The following TEKT5 variants were observed in gnomAD, a reference collection of about 807,000 sequenced individuals.
The protein encoded by TEKT5 is tektin 5, also known as tektin-5.
A neutral mutation model predicts 48.7 loss-of-function variants in TEKT5; 52 were observed. The observed-to-expected ratio is 1.07, with a 90% CI of 0.86 to 1.35. The LOEUF (loss-of-function observed/expected upper bound fraction) is 1.35, where lower values mean the gene tolerates loss of function less well. TEKT5 is among the 40% of genes most tolerant of loss of function. The pLI, the probability that TEKT5 is intolerant of heterozygous loss-of-function variation, is 0.00. For missense variants in TEKT5, 831 were observed against 641.6 expected (o/e 1.30, Z -3.19); for synonymous variants, 318 against 267.6 (o/e 1.19, Z -1.84).
chr16:10,647,695 A>G (rs1295092553), intron 5 of TEKT5, among the ~76,000 whole-genome samples: 2 of 152,168 alleles, frequency 1.3e-5, no homozygotes, highest in Non-Finnish European at 2.9e-5. Context: ...TCAGCCTGTG[A>G]TGGGGACCTG....
chr16:10,627,773 T>A lies in TEKT5; in HGVS notation c.1268A>T (p.Asp423Val). The A allele has an allele frequency of 6.2e-7, 1 of 1,614,184 alleles. No homozygotes were observed. Among genetic ancestry groups the A allele is most frequent in the Non-Finnish European group, 8.5e-7 (1 of 1,180,040 alleles). ...CAGCTTGAGGGTCTGCAGGGTGTCGTCGATGGTGAACACCTCGTTCACCAG... is the reference window on the plus strand; with the variant it reads ...CAGCTTGAGGGTCTGCAGGGTGTCGACGATGGTGAACACCTCGTTCACCAG... The part of the protein sequence containing the change: ...LKLVNEVFTI[D>V]DTLQTLKLRL... Residue 423 changes from aspartate to valine, a missense_variant, in exon 7 of 7, where the codon GAC becomes GTC. Coordinates refer to ENST00000283025, the MANE Select transcript of TEKT5 (RefSeq NM_144674.2).
chr16:10,666,712 G>C (rs1037404503), intron 5 of TEKT5, among the ~76,000 whole-genome samples: 4 of 152,178 alleles, frequency 2.6e-5, no homozygotes, highest in African/African-American at 9.6e-5. Flanking sequence ...ATGAAGCCAG[G>C]GATGGGGTGT....
At chr16:10,643,106 C>T (rs1313372417) in intron 5 of TEKT5, among the ~76,000 whole-genome samples, 1 of 152,118 alleles carries the variant, frequency 6.6e-6, no homozygotes, top group Non-Finnish European at 1.5e-5. Context: ...AAAGGCTGGG[C>T]ATGGTGGCTC....
At chr16:10,684,303 G>A (rs1327600017) in intron 3 of TEKT5, among the ~76,000 whole-genome samples, 1 of 151,338 alleles carries the variant, frequency 6.6e-6, no homozygotes. Flanking sequence ...TTGTGTCTAT[G>A]TCTCTGTCTC....
In TEKT5 at chr16:10,640,108, C is replaced by T. The variant is rs1173726485; in HGVS notation, c.1087-4190G>A. On this transcript the variant is annotated intron_variant, in intron 5 of 6. Transcript: ENST00000283025. ...CTTCCTTCCTTCCCTCTCCCCTCCT[C>T]CCGTCTTCCTCCTCCCCCCTTCCTC... is the stretch of plus-strand genomic sequence containing the variant. 8.8e-3 allele frequency among the ~76,000 whole-genome samples: 1,288 copies of T among 146,364 alleles called. 39 individuals carry two copies. The highest frequency in any genetic ancestry group is 0.033 in the African/African-American group (1,217 of 37,102).
At chr16:10,680,024 C>T (rs1898718749) in intron 4 of TEKT5, among the ~76,000 whole-genome samples, 1 of 152,218 alleles carries the variant, frequency 6.6e-6, no homozygotes. Context: ...AGATGGGGGA[C>T]TTTAAGGAGC....
intron 5 of TEKT5, among the ~76,000 whole-genome samples, chr16:10,659,271 T>G (rs550058702): frequency 2.6e-5 from 4 of 152,256 alleles, no homozygotes; most frequent in Non-Finnish European, 5.9e-5. Context: ...AAATATCACA[T>G]GTACCTGACG....
chr16:10,645,276 G>A (rs1352818798), intron 5 of TEKT5, among the ~76,000 whole-genome samples: 1 of 152,188 alleles, frequency 6.6e-6, no homozygotes, highest in African/African-American at 2.4e-5. Flanking sequence ...TTGAGAGGCT[G>A]AGGTGGGAGG....
chr16:10,638,179 C>T (rs79247546), intron 5 of TEKT5, among the ~76,000 whole-genome samples: 4,131 of 152,234 alleles, frequency 0.027, 144 homozygotes, highest in African/African-American at 0.082. Context: ...AATAAAAGAA[C>T]GAGAGAATGA....
At chr16:10,664,860 A>G (rs753545933) in intron 5 of TEKT5, among the ~76,000 whole-genome samples, 2 of 152,138 alleles carry the variant, frequency 1.3e-5, no homozygotes, top group Non-Finnish European at 2.9e-5. Context: ...GCTTTGTACT[A>G]TTTTTATAGC....
chr16:10,627,616 G>A lies in TEKT5; in HGVS notation c.1425C>T (p.Phe475=). The change falls in exon 7 of 7, where the codon TTC becomes TTT. Residue 475 remains phenylalanine (F), a synonymous_variant. Coordinates refer to ENST00000283025, the MANE Select transcript of TEKT5 (RefSeq NM_144674.2). ...GGCCCACCAGGCGCGGGGTGCAGGG[G>A]AAGGTCTTACGCATGCCCATGCACT... is the stretch of plus-strand genomic sequence containing the variant. ...KEKCMGMRKT[F]PCTPRLVGHT is the part of the protein sequence containing the mutation. The A allele has an allele frequency of 6.2e-7, 1 of 1,614,218 alleles. No homozygotes were observed. The highest frequency in any genetic ancestry group is 8.5e-7 in the Non-Finnish European group (1 of 1,180,028).
chr16:10,633,185 A>G (rs1596399352), intron 6 of TEKT5, among the ~76,000 whole-genome samples: 1 of 152,032 alleles, frequency 6.6e-6, no homozygotes, highest in African/African-American at 2.4e-5. Flanking sequence ...ACATGGTGAA[A>G]CCCTGACTCT....
chr16:10,658,748 C>T (rs976657878), intron 5 of TEKT5, among the ~76,000 whole-genome samples: 2 of 151,176 alleles, frequency 1.3e-5, no homozygotes, highest in African/African-American at 4.9e-5. Context: ...GACAGAGTCT[C>T]ACTCTGTCAC....
chr16:10,676,243 C>T (rs1267276760), intron 4 of TEKT5, 62 bp from the exon 5 acceptor site: 14 of 1,523,854 alleles, frequency 9.2e-6, no homozygotes, highest in African/African-American at 4.1e-5. Flanking sequence ...GTGGTTTCTC[C>T]GCCTTGGCAG....
chr16:10,654,631 G>T (rs972588451), intron 5 of TEKT5, among the ~76,000 whole-genome samples: 2 of 152,066 alleles, frequency 1.3e-5, no homozygotes, highest in African/African-American at 4.8e-5. Flanking sequence ...CCTACCCTTG[G>T]ACATCAGAGT....
At position 10,635,833 on chromosome 16, in the gene TEKT5, G is replaced by A. The variant is rs768733071; in HGVS notation, c.1172C>T (p.Ala391Val). 9 of 1,614,078 alleles carry A rather than the reference G, an allele frequency of 5.6e-6. No individual in the cohort carries two copies. In the South Asian group the frequency reaches 6.6e-5, roughly 12 times the overall value. ...IMAKEGPLKV[A>V]QTRLECRTRR... The stretch of plus-strand genomic sequence containing the variant: ...GGTCCGGCACTCCAGCCTTGTCTGG[G>A]CCACCTTCAGCGGGCCCTCCTTGGC... The change falls in exon 6 of 7, where the codon GCC (alanine) becomes GTC (valine). Residue 391 changes from alanine to valine, a missense_variant. Transcript: ENST00000283025.
At chr16:10,691,399 G>A (rs190580057) in intron 1 of TEKT5, 1 of 152,596 alleles carries the variant, frequency 6.6e-6, no homozygotes, top group Non-Finnish European at 1.5e-5. Context: ...TTCAGGGTGA[G>A]GTGAGTGGGT....
chr16:10,652,566 C>T (rs1596406024), intron 5 of TEKT5, among the ~76,000 whole-genome samples: 1 of 128,694 alleles, frequency 7.8e-6, no homozygotes, highest in African/African-American at 3.1e-5. Context: ...CACACCCCCT[C>T]CAGGCCAGGT....
intron 5 of TEKT5, 118 bp from the exon 6 acceptor site, chr16:10,636,036 T>C: frequency 3.5e-6 from 5 of 1,436,776 alleles, no homozygotes; most frequent in Non-Finnish European, 4.7e-6. Context: ...AAGATACTCC[T>C]TCCCCGGCCT....
Sources: gnomAD v4.1 joint callset for allele counts (sites outside exome capture counted in the v4.1 genomes callset) on GRCh38, gnomAD v4.1.1 for gene constraint, MANE v1.5 for transcripts, NCBI Gene and HGNC (gene_info 2026-07-23, HGNC 2026-07-21) for gene names.